The following OPCML variants were observed in gnomAD, a reference collection of about 807,000 sequenced individuals.
OPCML encodes the protein opioid binding protein/cell adhesion molecule like, also known as opioid-binding protein/cell adhesion molecule.
In OPCML, 13 loss-of-function variants were observed where a neutral mutation model predicts 37.8. The observed-to-expected ratio is 0.34, with a 90% CI of 0.22 to 0.55. The LOEUF (loss-of-function observed/expected upper bound fraction) is 0.55. Ranked by LOEUF, OPCML falls within the 20% of genes least tolerant of loss-of-function variation. The pLI, the probability that OPCML is intolerant of heterozygous loss-of-function variation, is 0.91. For synonymous variants in OPCML, 176 were observed against 168.8 expected, an observed-to-expected ratio of 1.04 and a Z score of -0.33; for missense variants, 341 against 435.6, an observed-to-expected ratio of 0.78 and a Z score of 1.93.
At chr11:132,563,124 T>C (rs995487579) in intron 3 of OPCML, among the ~76,000 whole-genome samples, 1 of 152,182 alleles carries the variant, frequency 6.6e-6, no homozygotes, top group African/African-American at 2.4e-5. Flanking sequence ...GATAAATGCT[T>C]ATGCACATTA....
At chr11:132,718,526 C>CA (rs1273732041) in intron 2 of OPCML, among the ~76,000 whole-genome samples, 3 of 152,152 alleles carry the variant, frequency 2.0e-5, no homozygotes, top group African/African-American at 7.2e-5. Context: ...GATTTACTCT[C>CA]ACGACGGTGG....
intron 1 of OPCML, among the ~76,000 whole-genome samples, chr11:133,409,527 G>A (rs188872311): frequency 6.6e-6 from 1 of 152,108 alleles, no homozygotes; most frequent in Non-Finnish European, 1.5e-5. Flanking sequence ...AATCACTACC[G>A]CTGAGCTCCT....
intron 1 of OPCML, among the ~76,000 whole-genome samples, chr11:133,191,520 T>TGG (rs1279042681): frequency 2.0e-5 from 3 of 151,834 alleles, no homozygotes; most frequent in African/African-American, 4.8e-5. Flanking sequence ...TGTGTGTGTG[T>TGG]GTGTGTGTGT....
intron 1 of OPCML, among the ~76,000 whole-genome samples, chr11:133,115,891 GAATA>G (rs773806783): frequency 1.9e-4 from 29 of 151,972 alleles, no homozygotes; most frequent in Non-Finnish European, 4.1e-4. Flanking sequence ...AAATCATTGA[GAATA>G]AATTTGAGCT....
chr11:133,284,383 A>G (rs1344791166), intron 1 of OPCML, among the ~76,000 whole-genome samples: 1 of 152,234 alleles, frequency 6.6e-6, no homozygotes, highest in Admixed American at 6.5e-5. Context: ...GTCAGAAAGC[A>G]AAAGCGGGTG....
At chr11:133,281,256 C>T (rs1464222981) in intron 1 of OPCML, among the ~76,000 whole-genome samples, 3 of 152,052 alleles carry the variant, frequency 2.0e-5, no homozygotes, top group African/African-American at 7.2e-5. Flanking sequence ...GAGGTGGGGC[C>T]TGGTGGGAGG....
chr11:132,916,113 C>T lies in OPCML; in HGVS notation c.146+26813G>A, dbSNP rs921940403. On this transcript the variant is annotated intron_variant, in intron 2 of 7. Transcript: ENST00000524381. ...CATATTTATATTAATATTCAGATCT[C>T]GGATCCATCTGCTATTACTTTTTGA... is the stretch of plus-strand genomic sequence containing the variant. 9.9e-5 allele frequency among the ~76,000 whole-genome samples: 15 copies of T among 152,188 alleles called. No individual in the cohort carries two copies. In the East Asian group the frequency reaches 1.4e-3, roughly 14 times the overall value.
chr11:133,314,210 G>A (rs1943144309), intron 1 of OPCML, among the ~76,000 whole-genome samples: 1 of 121,320 alleles, frequency 8.2e-6, no homozygotes, highest in Non-Finnish European at 1.6e-5. Context: ...ACTCCAGCCT[G>A]GGCTACAGCG....
chr11:132,511,367 A>G (rs1238408853), intron 4 of OPCML, among the ~76,000 whole-genome samples: 1 of 152,184 alleles, frequency 6.6e-6, no homozygotes, highest in Non-Finnish European at 1.5e-5. Flanking sequence ...CATATAATTT[A>G]AATGCATTCC....
At chr11:132,633,937 A>T (rs1269430931) in intron 3 of OPCML, among the ~76,000 whole-genome samples, 1 of 152,276 alleles carries the variant, frequency 6.6e-6, no homozygotes, top group African/African-American at 2.4e-5. Context: ...CTACAGTGAG[A>T]GCCTCAAGGC....
chr11:133,437,601 T>C (rs1386721182), intron 1 of OPCML, among the ~76,000 whole-genome samples: 1 of 147,950 alleles, frequency 6.8e-6, no homozygotes, highest in African/African-American at 2.5e-5. Flanking sequence ...AAGCACGCCA[T>C]GCACTTCAAA....
chr11:132,453,979 C>A (rs2096074973), intron 4 of OPCML, among the ~76,000 whole-genome samples: 3 of 152,168 alleles, frequency 2.0e-5, no homozygotes, highest in South Asian at 2.1e-4. Context: ...AAGGAAATTG[C>A]AGTCATGTGG....
intron 3 of OPCML, among the ~76,000 whole-genome samples, chr11:132,653,575 G>A (rs1941545246): frequency 6.6e-6 from 1 of 152,326 alleles, no homozygotes; most frequent in South Asian, 2.1e-4. Flanking sequence ...TGGCTGAGAT[G>A]TACCTCAGGT....
At chr11:132,952,096 T>C (rs573897820) in intron 1 of OPCML, among the ~76,000 whole-genome samples, 20 of 152,226 alleles carry the variant, frequency 1.3e-4, no homozygotes, top group South Asian at 8.3e-4. Flanking sequence ...TAGGGAGAAA[T>C]ATAAAGTGAG....
intron 3 of OPCML, among the ~76,000 whole-genome samples, chr11:132,638,009 T>C (rs1940617133): frequency 6.6e-6 from 1 of 152,250 alleles, no homozygotes; most frequent in Non-Finnish European, 1.5e-5. Flanking sequence ...GGAGAAGGAC[T>C]TAGGAACTAA....
chr11:133,384,247 CAAAA>C (rs1186998875), intron 1 of OPCML, among the ~76,000 whole-genome samples: 6 of 71,248 alleles, frequency 8.4e-5, no homozygotes, highest in East Asian at 3.9e-4. Flanking sequence ...GGCCACTGTG[CAAAA>C]AAAAAAAAAA....
At chr11:133,319,319 C>T (rs1456843999) in intron 1 of OPCML, among the ~76,000 whole-genome samples, 1 of 152,126 alleles carries the variant, frequency 6.6e-6, no homozygotes, top group Non-Finnish European at 1.5e-5. Context: ...ATCTTTTCTC[C>T]CCAGTACTGC....
intron 1 of OPCML, among the ~76,000 whole-genome samples, chr11:133,000,506 C>G (rs1367432494): frequency 2.0e-5 from 3 of 152,190 alleles, no homozygotes; most frequent in Admixed American, 6.5e-5. Context: ...AGGCAGTATG[C>G]CATGTTTAAC....
chr11:132,715,052 G>T (rs923570859), intron 2 of OPCML, among the ~76,000 whole-genome samples: 1 of 152,154 alleles, frequency 6.6e-6, no homozygotes, highest in African/African-American at 2.4e-5. Context: ...CATGGGCAAG[G>T]GAGGGCAGGC....
Sources: allele counts gnomAD v4.1 joint callset (sites outside exome capture counted in the v4.1 genomes callset), GRCh38; gene constraint gnomAD v4.1.1; transcripts MANE v1.5; gene names NCBI Gene and HGNC (gene_info 2026-07-23, HGNC 2026-07-21).